Variants in HPSE2 observed in about 807,000 individuals in gnomAD.
The protein encoded by HPSE2 is inactive heparanase-2.
Under a neutral mutation model 60.5 loss-of-function variants are expected in HPSE2, and 38 were observed. That is an observed-to-expected ratio of 0.63 (90% CI 0.48 to 0.82). The LOEUF (loss-of-function observed/expected upper bound fraction) is 0.82, where lower values mean the gene tolerates loss of function less well. Ranked by LOEUF, HPSE2 falls within the 40% of genes least tolerant of loss-of-function variation. HPSE2 has a pLI of 0.00. For missense variants in HPSE2, 713 were observed against 740.4 expected, an observed-to-expected ratio of 0.96 and a Z score of 0.43; for synonymous variants, 295 against 293.2, an observed-to-expected ratio of 1.01 and a Z score of -0.06.
chr10:98,966,945 G>A (rs1486760432), intron 3 of HPSE2, among the ~76,000 whole-genome samples: 2 of 152,154 alleles, frequency 1.3e-5, no homozygotes, highest in Non-Finnish European at 2.9e-5. Context: ...CCAGGCTGGA[G>A]TTCAGATCAT....
chr10:98,520,386 T>C (rs1206397122), intron 9 of HPSE2, among the ~76,000 whole-genome samples: 1 of 152,210 alleles, frequency 6.6e-6, no homozygotes, highest in Non-Finnish European at 1.5e-5. Context: ...GGCTACAACA[T>C]ACAGACCATG....
At position 99,235,707 on chromosome 10, in the gene HPSE2, C is replaced by A; in HGVS notation, c.96G>T (p.Leu32Phe). The A allele has an allele frequency of 6.2e-7, 1 of 1,613,978 alleles. No homozygotes were observed. Among genetic ancestry groups the A allele is most frequent in the Non-Finnish European group, 8.5e-7 (1 of 1,179,990 alleles). The change falls in exon 1 of 12, where the codon TTG becomes TTT. Residue 32 changes from leucine to phenylalanine, a missense_variant. Transcript: ENST00000370552. ...CCTGGGAGGAAAGGGAGAGATGGAG[C>A]AACAGAGCCAAGTAGAGAGCCCCCG... ...LAPGALYLAL[L>F]LHLSLSSQAG... is the part of the protein sequence containing the mutation.
intron 3 of HPSE2, among the ~76,000 whole-genome samples, chr10:99,026,556 G>T (rs1957382226): frequency 6.6e-6 from 1 of 152,080 alleles, no homozygotes; most frequent in South Asian, 2.1e-4. Flanking sequence ...TTCAGCATTG[G>T]ACAGATATTC....
chr10:99,084,989 T>G (rs1843270315), intron 3 of HPSE2, among the ~76,000 whole-genome samples: 1 of 152,206 alleles, frequency 6.6e-6, no homozygotes. Flanking sequence ...CAACTTTCCC[T>G]TACCTCTAGC....
rs551065560 is a variant in HPSE2, at chr10:99,023,319, T to C, written c.610+120919A>G. Among the ~76,000 whole-genome samples the C allele has an allele frequency of 3.9e-5, 6 of 152,270 alleles. No homozygotes were observed. The East Asian group carries it at 1.2e-3, about 29-fold the overall frequency. ...TGCATCTTGTAGTCTGAGTGCCATGTCAGCCACAGTACAATAGAACACTAG... is the reference window on the plus strand; with the variant it reads ...TGCATCTTGTAGTCTGAGTGCCATGCCAGCCACAGTACAATAGAACACTAG... On this transcript the variant is annotated intron_variant, in intron 3 of 11. Coordinates refer to ENST00000370552, the MANE Select transcript of HPSE2 (RefSeq NM_021828.5).
At chr10:98,658,411 C>T (rs1947134188) in intron 6 of HPSE2, among the ~76,000 whole-genome samples, 1 of 152,136 alleles carries the variant, frequency 6.6e-6, no homozygotes, top group Non-Finnish European at 1.5e-5. Flanking sequence ...TTTGTTTCAA[C>T]CATTTGCAAA....
At chr10:98,812,986 G>A (rs954333778) in intron 3 of HPSE2, among the ~76,000 whole-genome samples, 5 of 152,112 alleles carry the variant, frequency 3.3e-5, no homozygotes, top group African/African-American at 1.2e-4. Context: ...AGCTCATGTA[G>A]GCTCTCAGGC....
intron 3 of HPSE2, among the ~76,000 whole-genome samples, chr10:99,124,104 G>A (rs970085286): frequency 2.0e-5 from 3 of 152,054 alleles, no homozygotes; most frequent in Non-Finnish European, 4.4e-5. Flanking sequence ...CTGCGCCTGG[G>A]CACTGAGGCA....
At chr10:98,754,400 G>GGA (rs1949830622) in intron 3 of HPSE2, among the ~76,000 whole-genome samples, 1 of 151,924 alleles carries the variant, frequency 6.6e-6, no homozygotes, top group Non-Finnish European at 1.5e-5. Flanking sequence ...ATTCTTGAAA[G>GGA]GAGAGAGAGA....
chr10:99,011,254 T>C lies in HPSE2; in HGVS notation c.610+132984A>G, dbSNP rs975738216. ...ATATGAAACACAAAACATCCAATGTTAAATACTGATCTCCTATGCCTGATC... is the reference window on the plus strand; with the variant it reads ...ATATGAAACACAAAACATCCAATGTCAAATACTGATCTCCTATGCCTGATC... On this transcript the variant is annotated intron_variant, in intron 3 of 11. Coordinates refer to ENST00000370552, the MANE Select transcript of HPSE2 (RefSeq NM_021828.5). Among the ~76,000 whole-genome samples the C allele has an allele frequency of 5.9e-5, 9 of 152,166 alleles. 1 individual carries two copies. Among genetic ancestry groups the C allele is most frequent in the Admixed American group, 4.6e-4 (7 of 15,272 alleles).
At chr10:98,722,300 G>T (rs1948947504) in intron 4 of HPSE2, among the ~76,000 whole-genome samples, 1 of 150,950 alleles carries the variant, frequency 6.6e-6, no homozygotes, top group South Asian at 2.1e-4. Flanking sequence ...GACACAGAGA[G>T]AAGAATGCCA....
At chr10:99,263,444 C>T in the HPSE2 span, among the ~76,000 whole-genome samples, 6 of 152,172 alleles carry the variant, frequency 3.9e-5, no homozygotes, top group African/African-American at 9.7e-5. Flanking sequence ...TTCCTCGCTA[C>T]GCAAGGGTCC....
chr10:98,906,207 C>G (rs1437035288), intron 3 of HPSE2, among the ~76,000 whole-genome samples: 3 of 152,146 alleles, frequency 2.0e-5, no homozygotes, highest in African/African-American at 7.2e-5. Flanking sequence ...CTTCCCTTTC[C>G]CCAAAAGTGT....
intron 3 of HPSE2, among the ~76,000 whole-genome samples, chr10:98,809,875 G>A (rs1043656749): frequency 6.6e-6 from 1 of 152,056 alleles, no homozygotes; most frequent in African/African-American, 2.4e-5. Context: ...AACCTTATCT[G>A]GGACTGCCTT....
intron 9 of HPSE2, among the ~76,000 whole-genome samples, chr10:98,566,448 G>C (rs979915011): frequency 5.1e-4 from 78 of 152,282 alleles, no homozygotes; most frequent in African/African-American, 1.7e-3. Context: ...AGGCATTTGG[G>C]GATGGAGAAC....
chr10:98,561,408 C>G (rs1272449072), intron 9 of HPSE2, among the ~76,000 whole-genome samples: 6 of 152,014 alleles, frequency 3.9e-5, no homozygotes, highest in Non-Finnish European at 1.5e-5. Flanking sequence ...AAAAACAGAA[C>G]AATCTTAAAG....
chr10:98,985,806 G>A (rs536032404), intron 3 of HPSE2, among the ~76,000 whole-genome samples: 1 of 152,086 alleles, frequency 6.6e-6, no homozygotes, highest in African/African-American at 2.4e-5. Flanking sequence ...GATCTACCAA[G>A]CAAACGGAAA....
chr10:99,013,303 C>A, intron 3 of HPSE2: 1 of 619,844 alleles, frequency 1.6e-6, no homozygotes, highest in Non-Finnish European at 3.1e-6. Context: ...CTTAGGTCCT[C>A]ATGTGCTAAC....
the HPSE2 span, among the ~76,000 whole-genome samples, chr10:99,282,829 A>G: frequency 6.6e-6 from 1 of 152,286 alleles, no homozygotes; most frequent in East Asian, 1.9e-4. Context: ...AATATAACAT[A>G]CCAAAACTTA....
Sources: allele counts gnomAD v4.1 joint callset (sites outside exome capture counted in the v4.1 genomes callset), GRCh38; gene constraint gnomAD v4.1.1; transcripts MANE v1.5; gene names NCBI Gene and HGNC (gene_info 2026-07-23, HGNC 2026-07-21).